BFSP2: variants seen among roughly 807,000 people sequenced by gnomAD.
BFSP2 encodes the protein phakinin.
Under a neutral mutation model 44.9 loss-of-function variants are expected in BFSP2, and 38 were observed. That is an observed-to-expected ratio of 0.85 (90% CI 0.65 to 1.11). The LOEUF (loss-of-function observed/expected upper bound fraction) is 1.11, where lower values mean the gene tolerates loss of function less well. Among genes scored for constraint, BFSP2 ranks in the 50% least tolerant of loss-of-function variants. The probability of loss-of-function intolerance (pLI) is 0.00; values close to 1 mark genes in which losing one functional copy is unlikely to be tolerated. For missense variants in BFSP2, 525 were observed against 533.0 expected, an observed-to-expected ratio of 0.99 and a Z score of 0.15; for synonymous variants, 197 against 209.9, an observed-to-expected ratio of 0.94 and a Z score of 0.53.
chr3:133,430,665 C>A (rs1209355584), intron 1 of BFSP2, among the ~76,000 whole-genome samples: 1 of 152,128 alleles, frequency 6.6e-6, no homozygotes, highest in Non-Finnish European at 1.5e-5. Context: ...TTTTACGCAT[C>A]GGTCCCTCTC....
At position 133,449,753 on chromosome 3, in the gene BFSP2, C is replaced by T. The variant is rs559055410; in HGVS notation, c.730-550C>T. Reference sequence around the variant, plus strand: ...ATTAGCTGGGCATGGTGGTGTGTGCCGTGCCTGTGCCTGTAGTCTCAGCTA... The same window carrying T: ...ATTAGCTGGGCATGGTGGTGTGTGCTGTGCCTGTGCCTGTAGTCTCAGCTA... On this transcript the variant is annotated intron_variant, in intron 3 of 6. Transcript: ENST00000302334. Among the ~76,000 whole-genome samples, 119 of 151,778 alleles carry T rather than the reference C, an allele frequency of 7.8e-4. 2 individuals carry two copies. The South Asian group carries it at 0.024, about 31-fold the overall frequency.
chr3:133,474,536 G>C (rs140418652), intron 6 of BFSP2, among the ~76,000 whole-genome samples: 2 of 152,298 alleles, frequency 1.3e-5, no homozygotes, highest in Non-Finnish European at 2.9e-5. Flanking sequence ...GATTATAAAA[G>C]CCAGATGTTC....
At chr3:133,411,315 G>A (rs2073451631) in intron 1 of BFSP2, among the ~76,000 whole-genome samples, 1 of 151,740 alleles carries the variant, frequency 6.6e-6, no homozygotes, top group African/African-American at 2.4e-5. Context: ...GGTATATCCA[G>A]TAAGAAAAAT....
intron 1 of BFSP2, among the ~76,000 whole-genome samples, chr3:133,401,389 TTTTTA>T (rs2107872241): frequency 6.6e-6 from 1 of 152,336 alleles, no homozygotes; most frequent in Non-Finnish European, 1.5e-5. Context: ...AGGAATTGCA[TTTTTA>T]TTTTATCTAA....
chr3:133,414,983 C>CCT (rs2073502238), intron 1 of BFSP2, among the ~76,000 whole-genome samples: 2 of 139,540 alleles, frequency 1.4e-5, no homozygotes, highest in African/African-American at 2.8e-5. Context: ...TGCCATCTCT[C>CCT]CTCTACTCAC....
At chr3:133,416,635 C>G (rs1354175868) in intron 1 of BFSP2, among the ~76,000 whole-genome samples, 1 of 143,292 alleles carries the variant, frequency 7.0e-6, no homozygotes, top group African/African-American at 2.6e-5. Context: ...CCTGTCCTCT[C>G]CCTTCTACTC....
At chr3:133,470,368 A>C (rs745943996) in intron 5 of BFSP2, among the ~76,000 whole-genome samples, 1 of 152,252 alleles carries the variant, frequency 6.6e-6, no homozygotes, top group Non-Finnish European at 1.5e-5. Context: ...AAGGGTGTAA[A>C]AAGTCTCCTC....
intron 1 of BFSP2, among the ~76,000 whole-genome samples, chr3:133,424,315 G>A (rs973067769): frequency 2.1e-5 from 3 of 144,250 alleles, no homozygotes; most frequent in Admixed American, 7.2e-5. Flanking sequence ...TGATCCACCC[G>A]CCTCGGCCTC....
In BFSP2 at chr3:133,450,560, C is replaced by T. The variant is rs1051875436; in HGVS notation, c.891+96C>T. On this transcript the variant is annotated intron_variant, in intron 4 of 6. Coordinates refer to ENST00000302334, the MANE Select transcript of BFSP2 (RefSeq NM_003571.4). The stretch of plus-strand genomic sequence containing the variant: ...CAATGTGCAGACGAAGAAATAACAA[C>T]GGTTTAGTAACAAGTTCAACCTCAT... The T allele has an allele frequency of 1.2e-4, 171 of 1,430,462 alleles. 1 individual carries two copies. Among genetic ancestry groups the T allele is most frequent in the East Asian group, 1.8e-4 (8 of 43,576 alleles). 88.6% of individuals were successfully genotyped at this position (1,430,462 alleles called of 1,614,324 possible). A position where few individuals can be genotyped will look rare whatever the true frequency, so the allele number is the denominator to read the frequency against.
At chr3:133,453,308 A>C (rs747006920) in intron 4 of BFSP2, among the ~76,000 whole-genome samples, 69 of 152,232 alleles carry the variant, frequency 4.5e-4, no homozygotes, top group Non-Finnish European at 6.2e-4. Flanking sequence ...CAGCTTTCAA[A>C]AGCTTTTGTA....
chr3:133,434,090 CTT>C (rs2073756790), intron 1 of BFSP2, among the ~76,000 whole-genome samples: 2 of 152,222 alleles, frequency 1.3e-5, no homozygotes, highest in Non-Finnish European at 2.9e-5. Context: ...GCTGATATCT[CTT>C]GGTGCTATTC....
chr3:133,447,494 T>G, intron 2 of BFSP2, 95 bp downstream of exon 2: 1 of 1,280,672 alleles, frequency 7.8e-7, no homozygotes, highest in Non-Finnish European at 1.1e-6. Context: ...TCATCCACCT[T>G]CTACCTCAGG....
rs2074201372 is a variant in BFSP2, at chr3:133,474,987, C to T, written c.*15C>T. ...CTTTCAGCTGATGGAGAAACTTCCT[C>T]TTTTTCATGAAGAAAACACCCTTCC... is the stretch of plus-strand genomic sequence containing the variant. On this transcript the variant is annotated 3_prime_UTR_variant, in exon 7 of 7. Transcript: ENST00000302334. 1 of 1,614,122 alleles carries T rather than the reference C, an allele frequency of 6.2e-7. No homozygotes were observed.
intron 1 of BFSP2, among the ~76,000 whole-genome samples, chr3:133,416,844 T>C (rs1261469401): frequency 7.7e-5 from 8 of 103,870 alleles, no homozygotes; most frequent in African/African-American, 1.5e-4. Flanking sequence ...CTCAGCCCTG[T>C]TCTCTCCCCT....
At chr3:133,422,456 G>C (rs1312075435) in intron 1 of BFSP2, among the ~76,000 whole-genome samples, 1 of 152,136 alleles carries the variant, frequency 6.6e-6, no homozygotes, top group African/African-American at 2.4e-5. Flanking sequence ...TCACTTCTGT[G>C]TACCCTGAGA....
intron 1 of BFSP2, among the ~76,000 whole-genome samples, chr3:133,438,393 G>C (rs1432743486): frequency 6.6e-6 from 1 of 152,190 alleles, no homozygotes; most frequent in Non-Finnish European, 1.5e-5. Flanking sequence ...AAATTAGCTG[G>C]GTGTGGTGGC....
At chr3:133,469,806 C>T (rs577254296) in intron 5 of BFSP2, among the ~76,000 whole-genome samples, 1 of 152,328 alleles carries the variant, frequency 6.6e-6, no homozygotes, top group South Asian at 2.1e-4. Flanking sequence ...AGATGGAAGA[C>T]ACATATAACC....
rs115969531 is a variant in BFSP2, at chr3:133,422,375, G to C, written c.489+21803G>C. ...AGGCAAGATTCCCTTTTAGAATTCT[G>C]GTAGGTAGATGAGATGGATCGTTTC... On this transcript the variant is annotated intron_variant, in intron 1 of 6. Transcript: ENST00000302334. Among the ~76,000 whole-genome samples the C allele has an allele frequency of 4.9e-3, 752 of 152,244 alleles. 6 individuals are homozygous for C. The highest frequency in any genetic ancestry group is 0.017 in the African/African-American group (709 of 41,544).
intron 1 of BFSP2, among the ~76,000 whole-genome samples, chr3:133,404,556 G>T (rs1214498027): frequency 6.6e-6 from 1 of 152,192 alleles, no homozygotes; most frequent in Non-Finnish European, 1.5e-5. Flanking sequence ...GTATGCACAT[G>T]CCCAGAATCA....
Sources: gnomAD v4.1 joint callset for allele counts (sites outside exome capture counted in the v4.1 genomes callset) on GRCh38, gnomAD v4.1.1 for gene constraint, MANE v1.5 for transcripts, NCBI Gene and HGNC (gene_info 2026-07-23, HGNC 2026-07-21) for gene names.